Variants in TTC6 observed in about 807,000 individuals in gnomAD.
TTC6 encodes tetratricopeptide repeat protein 6.
A neutral mutation model predicts 210.4 loss-of-function variants in TTC6; 172 were observed. The ratio of observed to expected loss-of-function variants is 0.82; its 90% CI spans 0.72 to 0.93. The LOEUF (loss-of-function observed/expected upper bound fraction) is 0.93, where lower values mean the gene tolerates loss of function less well. Among genes scored for constraint, TTC6 ranks in the 40% least tolerant of loss-of-function variants. The pLI is 0.00. For synonymous variants in TTC6, 804 were observed against 819.6 expected (o/e 0.98, Z 0.32); for missense variants, 2,414 against 2,318.1 (o/e 1.04, Z -0.85).
chr14:37,804,961 C>T, intron 21 of TTC6, 147 bp downstream of exon 23: 2 of 710,618 alleles, frequency 2.8e-6, no homozygotes, highest in Non-Finnish European at 4.7e-6. Context: ...CATTCTGCAC[C>T]CTGCAACACC....
At chr14:37,772,088 T>G (rs1314331588) in intron 14 of TTC6, among the ~76,000 whole-genome samples, 1 of 152,122 alleles carries the variant, frequency 6.6e-6, no homozygotes, top group Non-Finnish European at 1.5e-5. Flanking sequence ...GTGCCCCTGC[T>G]GGGGGGTGCC....
intron 26 of TTC6, 57 bp downstream of exon 28, chr14:37,817,708 A>G (rs1400082971): frequency 8.0e-6 from 12 of 1,504,758 alleles, no homozygotes; most frequent in Admixed American, 1.7e-5. Flanking sequence ...GACTTATCTA[A>G]TTATCACCCC....
At chr14:37,824,009 A>G in intron 27 of TTC6, 52 bp downstream of exon 29, 1 of 1,534,744 alleles carries the variant, frequency 6.5e-7, no homozygotes. Context: ...GAGAAAGAAT[A>G]TATTTGGCTC....
chr14:37,655,873 CT>C (rs71433911), intron 1 of TTC6, among the ~76,000 whole-genome samples: 13,584 of 143,712 alleles, frequency 0.095, 751 homozygotes, highest in East Asian at 0.2. Context: ...TTGACTTCAG[CT>C]TTTTTTTTTT....
intron 1 of TTC6, among the ~76,000 whole-genome samples, chr14:37,648,514 T>C (rs1307699020): frequency 6.6e-6 from 1 of 152,178 alleles, no homozygotes; most frequent in Admixed American, 6.5e-5. Flanking sequence ...ATTCTTTTTT[T>C]TTCTTCTACT....
At chr14:37,839,471 TC>T (rs1482182646) in intron 29 of TTC6, among the ~76,000 whole-genome samples, 1 of 152,222 alleles carries the variant, frequency 6.6e-6, no homozygotes, top group Non-Finnish European at 1.5e-5. Flanking sequence ...TTCATATCCT[TC>T]ACCCATTTTT....
At chr14:37,768,881 G>A (rs1437035388) in intron 14 of TTC6, among the ~76,000 whole-genome samples, 1 of 150,918 alleles carries the variant, frequency 6.6e-6, no homozygotes, top group East Asian at 1.9e-4. Context: ...TCTTGTGCCA[G>A]TTTTCAAAGG....
At chr14:37,629,048 C>A (rs963131542) in intron 1 of TTC6, among the ~76,000 whole-genome samples, 1 of 152,156 alleles carries the variant, frequency 6.6e-6, no homozygotes, top group Non-Finnish European at 1.5e-5. Flanking sequence ...ATGATGCCTC[C>A]AGCTTTATTC....
intron 2 of TTC6, among the ~76,000 whole-genome samples, chr14:37,610,114 C>T (rs751254740): frequency 1.3e-5 from 2 of 152,166 alleles, no homozygotes; most frequent in Admixed American, 6.5e-5. Context: ...AACTGGCCCA[C>T]ATGGTAAAGC....
chr14:37,812,337 G>A (rs150245051), exon 25 of TTC6: 11 of 1,612,652 alleles, frequency 6.8e-6, no homozygotes, highest in South Asian at 1.1e-5. Context: ...ATGGAATTGT[G>A]CTGCTTCTTG....
intron 3 of TTC6, among the ~76,000 whole-genome samples, chr14:37,686,656 A>G (rs1403413257): frequency 6.6e-6 from 1 of 152,162 alleles, no homozygotes; most frequent in Non-Finnish European, 1.5e-5. Context: ...GGAAGGTGAG[A>G]CGTGTGTCTC....
chr14:37,626,874 TC>T (rs1324567864), intron 1 of TTC6, among the ~76,000 whole-genome samples: 1 of 152,164 alleles, frequency 6.6e-6, no homozygotes, highest in African/African-American at 2.4e-5. Flanking sequence ...ATGGCGCCAC[TC>T]CCACCCCACC....
At chr14:37,803,395 C>A (rs2096111355) in intron 20 of TTC6, among the ~76,000 whole-genome samples, 1 of 152,178 alleles carries the variant, frequency 6.6e-6, no homozygotes, top group East Asian at 1.9e-4. Flanking sequence ...ATCCACACAG[C>A]AGCCACAGTA....
chr14:37,640,249 T>A (rs1365729906), intron 1 of TTC6, among the ~76,000 whole-genome samples: 1 of 152,124 alleles, frequency 6.6e-6, no homozygotes, highest in East Asian at 1.9e-4. Flanking sequence ...AGAAATGATT[T>A]TTTTTTTGCT....
chr14:37,836,716 GA>G, intron 29 of TTC6, among the ~76,000 whole-genome samples: 1 of 152,156 alleles, frequency 6.6e-6, no homozygotes, highest in East Asian at 1.9e-4. Flanking sequence ...AGCATGCTTT[GA>G]GCCTCCTTCG....
At chr14:37,800,399 G>A (rs1361622004) in intron 20 of TTC6, among the ~76,000 whole-genome samples, 1 of 152,168 alleles carries the variant, frequency 6.6e-6, no homozygotes, top group African/African-American at 2.4e-5. Flanking sequence ...GTGTGAGAAA[G>A]GAGAGATAAG....
chr14:37,715,006 C>T (rs1473683932), intron 6 of TTC6, among the ~76,000 whole-genome samples: 2 of 151,992 alleles, frequency 1.3e-5, no homozygotes, highest in East Asian at 1.9e-4. Context: ...AACGAGACCT[C>T]GTATCTAAAA....
At chr14:37,685,619 T>G (rs1016547544) in intron 3 of TTC6, among the ~76,000 whole-genome samples, 1 of 152,196 alleles carries the variant, frequency 6.6e-6, no homozygotes, top group Non-Finnish European at 1.5e-5. Context: ...ATGCTTTGTG[T>G]CTTTTAAATC....
At chr14:37,663,023 C>T (rs1345972745) in intron 1 of TTC6, among the ~76,000 whole-genome samples, 4 of 152,004 alleles carry the variant, frequency 2.6e-5, no homozygotes, top group Admixed American at 1.3e-4. Flanking sequence ...TATCCATGAG[C>T]ATGGAATGTT....
Sources: allele counts gnomAD v4.1 joint callset (sites outside exome capture counted in the v4.1 genomes callset), GRCh38; gene constraint gnomAD v4.1.1; transcripts MANE v1.5; gene names NCBI Gene and HGNC (gene_info 2026-07-23, HGNC 2026-07-21).